Variants in GAK observed in about 807,000 individuals in gnomAD.
GAK encodes cyclin-G-associated kinase.
A neutral mutation model predicts 143.9 loss-of-function variants in GAK; 79 were observed. The ratio of observed to expected loss-of-function variants is 0.55; its 90% CI spans 0.46 to 0.66. The LOEUF is 0.66. Among genes scored for constraint, GAK ranks in the 30% least tolerant of loss-of-function variants. The probability of loss-of-function intolerance (pLI) is 0.00; values close to 1 mark genes in which losing one functional copy is unlikely to be tolerated. For synonymous variants in GAK, 881 were observed against 765.5 expected (o/e 1.15, Z -2.49); for missense variants, 1,693 against 1,779.7 (o/e 0.95, Z 0.88).
intron 11 of GAK, chr4:888,623 G>C: frequency 1.8e-6 from 1 of 556,162 alleles, no homozygotes; most frequent in Non-Finnish European, 3.1e-6. Context: ...TCCTCAGCAG[G>C]GCCTTGCCCC....
At chr4:910,743 T>C (rs1169463258) in intron 4 of GAK, among the ~76,000 whole-genome samples, 5 of 139,206 alleles carry the variant, frequency 3.6e-5, no homozygotes, top group African/African-American at 1.1e-4. Context: ...CTCCCCTCTC[T>C]CCCTGCCTGG....
intron 9 of GAK, among the ~76,000 whole-genome samples, chr4:892,112 C>G (rs1267591462): frequency 5.3e-5 from 8 of 152,184 alleles, no homozygotes; most frequent in Admixed American, 5.2e-4. Flanking sequence ...CCAAACCTTC[C>G]TTGTCCCACA....
At chr4:924,766 G>A (rs1043497675) in intron 1 of GAK, among the ~76,000 whole-genome samples, 1 of 151,962 alleles carries the variant, frequency 6.6e-6, no homozygotes, top group Non-Finnish European at 1.5e-5. Flanking sequence ...AGTTCCTCCC[G>A]GGGCTGCTCT....
chr4:877,377 G>A (rs912063852), intron 16 of GAK, among the ~76,000 whole-genome samples, 170 bp from the exon 17 acceptor site: 4 of 152,062 alleles, frequency 2.6e-5, no homozygotes, highest in African/African-American at 7.2e-5. Context: ...CTGGGCACTC[G>A]GATCCCTGTG....
chr4:879,487 C>T (rs777858255), intron 15 of GAK, among the ~76,000 whole-genome samples: 1 of 141,342 alleles, frequency 7.1e-6, no homozygotes, highest in Non-Finnish European at 1.6e-5. Flanking sequence ...ATTACAGCAC[C>T]GAAGAAAAAC....
At chr4:889,439 T>C (rs13434542) in intron 10 of GAK, among the ~76,000 whole-genome samples, 1 of 143,808 alleles carries the variant, frequency 7.0e-6, no homozygotes, top group Non-Finnish European at 1.5e-5. Flanking sequence ...GTGGCACAAG[T>C]GGTGTTAAAA....
At chr4:914,366 GC>G (rs1319183858) in intron 1 of GAK, among the ~76,000 whole-genome samples, 70 of 80,500 alleles carry the variant, frequency 8.7e-4, no homozygotes, top group South Asian at 1.1e-3. Context: ...AGCGTGCACG[GC>G]CCCCACACAC....
At chr4:896,350 G>T (rs1048824976) in intron 7 of GAK, 110 bp downstream of exon 7, 2 of 764,772 alleles carry the variant, frequency 2.6e-6, no homozygotes, top group Non-Finnish European at 4.7e-6. Flanking sequence ...GGGGAAGAGG[G>T]GGTGGAGGAG....
At chr4:850,907 C>A (rs767484229) in intron 26 of GAK, 29 bp downstream of exon 26, 3 of 1,604,364 alleles carry the variant, frequency 1.9e-6, no homozygotes, top group Non-Finnish European at 1.7e-6. Context: ...GGCCTCTGGG[C>A]TCCCAGGAAG....
At chr4:901,259 C>A (rs1470370845) in intron 5 of GAK, among the ~76,000 whole-genome samples, 1 of 152,306 alleles carries the variant, frequency 6.6e-6, no homozygotes, top group East Asian at 1.9e-4. Context: ...GGCACCCCCA[C>A]CCAGGGCACA....
At position 912,773 on chromosome 4, in the gene GAK, C is replaced by T; in HGVS notation, c.229G>A (p.Glu77Lys). The T allele has an allele frequency of 1.9e-6, 3 of 1,613,772 alleles. No homozygotes were observed. Among genetic ancestry groups the T allele is most frequent in the Non-Finnish European group, 2.5e-6 (3 of 1,179,788 alleles). The change falls in exon 3 of 28, where the codon GAA (glutamate) becomes AAA (lysine). Residue 77 changes from glutamate (E) to lysine (K), a missense_variant. Transcript: ENST00000314167. ...ALKRLLSNEE[E>K]KNRAIIQEVC... ...TCTTGAATGATGGCTCTGTTCTTTT[C>T]CTCTTCATTGGATAATAGCCTCTGT...
At chr4:850,315 G>A in intron 26 of GAK, 1 of 427,296 alleles carries the variant, frequency 2.3e-6, no homozygotes, top group Non-Finnish European at 4.2e-6. Flanking sequence ...TCAGCCAGAT[G>A]TTCACCGAGG....
At chr4:906,226 G>A (rs552067506) in intron 4 of GAK, among the ~76,000 whole-genome samples, 24 of 152,354 alleles carry the variant, frequency 1.6e-4, no homozygotes, top group South Asian at 1.0e-3. Context: ...CCTGGCAACC[G>A]AGCCAGGCAT....
At chr4:926,833 C>T (rs1273582963) in intron 1 of GAK, among the ~76,000 whole-genome samples, 2 of 151,300 alleles carry the variant, frequency 1.3e-5, no homozygotes, top group Non-Finnish European at 1.5e-5. Context: ...CCGCACTGCC[C>T]CGCACCCCTC....
In GAK at chr4:932,106, A is replaced by T; in HGVS notation, c.82T>A (p.Phe28Ile). Residue 28 changes from phenylalanine (F) to isoleucine (I), a missense_variant, in exon 1 of 28, where the codon TTC (phenylalanine) becomes ATC (isoleucine). Physicochemically the swap from Phe to Ile is conservative, Grantham distance 21. This residue lies in a region of GAK where 871 missense variants were observed against 991.0 expected (regional missense o/e 0.88). Coordinates refer to ENST00000314167, the MANE Select transcript of GAK (RefSeq NM_005255.4). This position sits in a 1 kb window ranked among gnomAD's most constrained non-coding sequence, Gnocchi z 4.0. The stretch of plus-strand genomic sequence containing the variant: ...CCCAGTTCCACCGTCTGCCCCACGA[A>T]GTCACTCTGGTCGCGGCCGGAAGCA... ...GGASGRDQSD[F>I]VGQTVELGEL... is the part of the protein sequence containing the mutation. 1 of 1,601,480 alleles carries T rather than the reference A, an allele frequency of 6.2e-7. No individual in the cohort carries two copies. The highest frequency in any genetic ancestry group is 1.7e-4 in the Middle Eastern group (1 of 6,040).
intron 15 of GAK, among the ~76,000 whole-genome samples, chr4:878,118 C>CG (rs917672714): frequency 1.3e-5 from 2 of 151,658 alleles, no homozygotes; most frequent in Non-Finnish European, 2.9e-5. Context: ...AGGCCAGGCG[C>CG]GGTGGCTCAC....
Position 931,803 on chromosome 4 carries a change from C to T in GAK, c.145+240G>A, listed in dbSNP as rs531457506. On this transcript the variant is annotated intron_variant, in intron 1 of 27. Transcript: ENST00000314167. ...GACAAGAAAGTACCCCGACCCGGTC[C>T]CAGCCTCGCCCTCCGCAATCACCGC... 3.0e-4 allele frequency among the ~76,000 whole-genome samples: 46 copies of T among 152,266 alleles called. 1 individual carries two copies. The South Asian group carries it at 5.0e-3, about 16-fold the overall frequency.
At chr4:872,726 C>T (rs1318028036) in intron 18 of GAK, 1 of 152,672 alleles carries the variant, frequency 6.5e-6, no homozygotes, top group East Asian at 1.9e-4. Flanking sequence ...GGCACTGGGC[C>T]TGCAGGCTCG....
intron 1 of GAK, among the ~76,000 whole-genome samples, chr4:926,325 C>T (rs931093117): frequency 2.0e-5 from 3 of 152,206 alleles, no homozygotes; most frequent in Admixed American, 6.5e-5. Context: ...TGTCACTCTC[C>T]GCCCCAACAG....
Sources: gnomAD v4.1 joint callset for allele counts (sites outside exome capture counted in the v4.1 genomes callset) on GRCh38, gnomAD v4.1.1 for gene constraint, gnomAD v4.1.1 regional missense constraint, Gnocchi (gnomAD v3.1) non-coding constraint, MANE v1.5 for transcripts, NCBI Gene and HGNC (gene_info 2026-07-23, HGNC 2026-07-21) for gene names.